The following RNF157 variants were observed in gnomAD, a reference collection of about 807,000 sequenced individuals.
RNF157 encodes ring finger protein 157, also known as E3 ubiquitin ligase RNF157.
RNF157 carries 55 observed loss-of-function variants against 88.3 expected under a neutral mutation model. That is an observed-to-expected ratio of 0.62 (90% confidence interval 0.50 to 0.78). The LOEUF (loss-of-function observed/expected upper bound fraction) is 0.78. Among genes scored for constraint, RNF157 ranks in the 30% least tolerant of loss-of-function variants. RNF157 has a pLI of 0.00. For missense variants in RNF157, 788 were observed against 860.8 expected, an observed-to-expected ratio of 0.92 and a Z score of 1.06; for synonymous variants, 334 against 341.2, an observed-to-expected ratio of 0.98 and a Z score of 0.23.
intron 1 of RNF157, among the ~76,000 whole-genome samples, chr17:76,215,590 A>G (rs1468151401): frequency 6.6e-6 from 1 of 151,998 alleles, no homozygotes; most frequent in Non-Finnish European, 1.5e-5. Context: ...TGGAGAAGCC[A>G]TAGGAAGGAA....
At chr17:76,170,491 T>A (rs2068996998) in intron 3 of RNF157, among the ~76,000 whole-genome samples, 1 of 152,178 alleles carries the variant, frequency 6.6e-6, no homozygotes. Flanking sequence ...GGGTCTCTCT[T>A]GTCCAGAGAT....
rs188837348 is a variant in RNF157, at chr17:76,167,917, C to T, written c.297-120G>A. On this transcript the variant is annotated intron_variant, in intron 3 of 18. Coordinates refer to ENST00000269391, the MANE Select transcript of RNF157 (RefSeq NM_052916.3). ...AATGATCATAAGCATAGGTCTACCT[C>T]TTCATTCTGAATGATCACAGAGTGC... 2.2e-3 allele frequency: 2,089 copies of T among 964,268 alleles called. 6 individuals are homozygous for T. The highest frequency in any genetic ancestry group is 2.8e-3 in the Non-Finnish European group (1,825 of 650,410). 59.7% of individuals were successfully genotyped at this position (964,268 alleles called of 1,614,324 possible).
At chr17:76,193,966 A>C (rs1405258499) in intron 2 of RNF157, among the ~76,000 whole-genome samples, 1 of 152,220 alleles carries the variant, frequency 6.6e-6, no homozygotes, top group African/African-American at 2.4e-5. Context: ...ACACGTCCAC[A>C]AACGGGACTC....
At chr17:76,232,061 A>G (rs2070201380) in intron 1 of RNF157, among the ~76,000 whole-genome samples, 1 of 152,172 alleles carries the variant, frequency 6.6e-6, no homozygotes, top group African/African-American at 2.4e-5. Context: ...CATGTTGTAT[A>G]GCATGTATCA....
At chr17:76,179,070 T>A (rs1312894052) in intron 2 of RNF157, among the ~76,000 whole-genome samples, 2 of 152,220 alleles carry the variant, frequency 1.3e-5, no homozygotes, top group African/African-American at 2.4e-5. Flanking sequence ...CCTCAATACA[T>A]GCACCATTAC....
chr17:76,174,196 C>T (rs539925560), intron 2 of RNF157, among the ~76,000 whole-genome samples: 86 of 152,248 alleles, frequency 5.6e-4, no homozygotes, highest in African/African-American at 1.9e-3. Flanking sequence ...CCCTTTCCTT[C>T]GGTGAGGCCA....
Position 76,156,207 on chromosome 17 carries a change from T to A in RNF157, c.1525+3A>T, listed in dbSNP as rs1408874313. ...ATGCAGCCACTCCCCGCTCCTTATG[T>A]ACCTTCTGGGGAGGAAATAGTGGAT... On this transcript the variant is annotated splice_donor_region_variant and intron_variant, in intron 14 of 18. Transcript: ENST00000269391. 1 of 1,610,924 alleles carries A rather than the reference T, an allele frequency of 6.2e-7. No homozygotes were observed. The highest frequency in any genetic ancestry group is 8.5e-7 in the Non-Finnish European group (1 of 1,177,126).
At chr17:76,226,181 T>C in intron 1 of RNF157, 2 of 1,609,420 alleles carry the variant, frequency 1.2e-6, no homozygotes, top group South Asian at 2.2e-5. Context: ...GTCTTCCTCC[T>C]TTATGCACTG....
At chr17:76,155,175 C>T in intron 16 of RNF157, 77 bp downstream of exon 16, 2 of 1,320,166 alleles carry the variant, frequency 1.5e-6, no homozygotes, top group Non-Finnish European at 2.2e-6. Context: ...GGCCCTGGTC[C>T]TTACTGGCAT....
chr17:76,207,310 C>T (rs1411765838), intron 2 of RNF157, among the ~76,000 whole-genome samples: 1 of 152,180 alleles, frequency 6.6e-6, no homozygotes, highest in Non-Finnish European at 1.5e-5. Context: ...TTATTCCCAG[C>T]TACTCAGGAG....
chr17:76,240,028 C>T lies in RNF157; in HGVS notation c.88+125G>A. The T allele has an allele frequency of 2.6e-6, 1 of 389,952 alleles. No individual in the cohort carries two copies. Among genetic ancestry groups the T allele is most frequent in the Non-Finnish European group, 4.1e-6 (1 of 244,928 alleles). 24.2% of individuals were successfully genotyped at this position (389,952 alleles called of 1,614,324 possible). A position where few individuals can be genotyped will look rare whatever the true frequency, so the allele number is the denominator to read the frequency against. On this transcript the variant is annotated intron_variant, in intron 1 of 18. Coordinates refer to ENST00000269391, the MANE Select transcript of RNF157 (RefSeq NM_052916.3). The surrounding 1 kb of genome is among the most constrained non-coding windows in gnomAD (Gnocchi z 4.4). Reference sequence around the variant, plus strand: ...TCGAAGACCTCCCGCGCTCGAAGACCGTTTCGGAGCGTCCGCAACCACTGA... The same window carrying T: ...TCGAAGACCTCCCGCGCTCGAAGACTGTTTCGGAGCGTCCGCAACCACTGA...
At chr17:76,196,043 T>G (rs1054405399) in intron 2 of RNF157, among the ~76,000 whole-genome samples, 2 of 152,226 alleles carry the variant, frequency 1.3e-5, no homozygotes, top group Non-Finnish European at 2.9e-5. Context: ...TAAAAGTGGG[T>G]ATAAATATGA....
intron 18 of RNF157, among the ~76,000 whole-genome samples, chr17:76,151,064 G>T (rs901743542): frequency 2.0e-5 from 3 of 152,160 alleles, no homozygotes; most frequent in African/African-American, 4.8e-5. Flanking sequence ...AGCAGCCCCT[G>T]GGCCCCAGCA....
intron 1 of RNF157, among the ~76,000 whole-genome samples, chr17:76,230,836 TAAAAAA>T (rs1160772405): frequency 1.4e-5 from 1 of 70,380 alleles, no homozygotes; most frequent in South Asian, 6.0e-4. Context: ...AGACTCCATC[TAAAAAA>T]AAAAAAAAAA....
At chr17:76,154,940 C>T (rs1373409438) in intron 16 of RNF157, among the ~76,000 whole-genome samples, 1 of 152,178 alleles carries the variant, frequency 6.6e-6, no homozygotes, top group African/African-American at 2.4e-5. Flanking sequence ...ACACAGTCCT[C>T]CATGTAAATA....
chr17:76,163,702 T>C (rs2068880670), intron 8 of RNF157: 2 of 152,234 alleles, frequency 1.3e-5, no homozygotes, highest in African/African-American at 4.8e-5. Context: ...CTGTTGCTAA[T>C]GCCAATCTAA....
chr17:76,145,813 G>C (rs1032657616), intron 18 of RNF157, among the ~76,000 whole-genome samples: 1 of 152,178 alleles, frequency 6.6e-6, no homozygotes, highest in African/African-American at 2.4e-5. Context: ...TGGGGGCCCA[G>C]GCGGGGCAGG....
At chr17:76,205,632 G>A (rs189658964) in intron 2 of RNF157, among the ~76,000 whole-genome samples, 6 of 152,192 alleles carry the variant, frequency 3.9e-5, no homozygotes, top group Admixed American at 3.3e-4. Flanking sequence ...GGCTGAAGCA[G>A]AAGAATTGCT....
intron 1 of RNF157, among the ~76,000 whole-genome samples, chr17:76,225,349 A>G (rs964978406): frequency 3.9e-5 from 6 of 152,156 alleles, no homozygotes; most frequent in Admixed American, 3.3e-4. Context: ...GAAATACACA[A>G]TACATGTCCT....
Sources: allele counts gnomAD v4.1 joint callset (sites outside exome capture counted in the v4.1 genomes callset), GRCh38; gene constraint gnomAD v4.1.1; non-coding constraint Gnocchi (gnomAD v3.1); transcripts MANE v1.5; gene names NCBI Gene and HGNC (gene_info 2026-07-23, HGNC 2026-07-21).